Variants in CEP97 observed in about 807,000 individuals in gnomAD.
The protein encoded by CEP97 is centrosomal protein 97, also known as centrosomal protein of 97 kDa.
In CEP97, 43 loss-of-function variants were observed where a neutral mutation model predicts 73.1. The observed-to-expected ratio is 0.59, with a 90% CI of 0.46 to 0.76. The LOEUF is 0.76. Among genes scored for constraint, CEP97 ranks in the 30% least tolerant of loss-of-function variants. The probability of loss-of-function intolerance (pLI) is 0.00; values close to 1 mark genes in which losing one functional copy is unlikely to be tolerated. For missense variants in CEP97, 939 were observed against 1,014.0 expected, an observed-to-expected ratio of 0.93 and a Z score of 1.00; for synonymous variants, 337 against 370.0, an observed-to-expected ratio of 0.91 and a Z score of 1.02.
intron 6 of CEP97, among the ~76,000 whole-genome samples, chr3:101,748,972 A>G (rs1938712723): frequency 1.3e-5 from 2 of 152,122 alleles, no homozygotes; most frequent in Admixed American, 1.3e-4. Flanking sequence ...ATCTTTATTA[A>G]ATAAACTAAA....
rs773814391 is a variant in CEP97 at position 101,765,139 on chromosome 3, A to G, written c.2186A>G (p.Glu729Gly). 2 of 1,614,236 alleles carry G rather than the reference A, an allele frequency of 1.2e-6. No homozygotes were observed. The highest frequency in any genetic ancestry group is 4.5e-5 in the East Asian group (2 of 44,876). Reference sequence around the variant, plus strand: ...GAGAAAAGTTCCACAGAAGGCAGTGAAAGCTCCATAATGGGGAATTCCATT... The same window carrying G: ...GAGAAAAGTTCCACAGAAGGCAGTGGAAGCTCCATAATGGGGAATTCCATT... ...DFEKSSTEGS[E>G]SSIMGNSIDT... The change falls in exon 11 of 11, where the codon GAA becomes GGA. Residue 729 changes from glutamate (E) to glycine (G), a missense_variant. By Grantham distance (98) the Glu-to-Gly change is moderately conservative (BLOSUM62 -2). Transcript: ENST00000341893.
intron 5 of CEP97, 38 bp downstream of exon 5, chr3:101,731,991 G>A (rs1386906796): frequency 1.7e-6 from 2 of 1,154,836 alleles, no homozygotes; most frequent in Admixed American, 1.7e-5. Context: ...TCAGGAAGCT[G>A]GAAATCCTAG....
Position 101,758,313 on chromosome 3 carries a change from G to A in CEP97, c.1707G>A (p.Trp569Ter). ...CAGCCACCAAGCTTCAGGCCTGTTG[G>A]CGGGGATTTTATGCCAGGAACTACA... ...NDAATKLQAC[W>*]RGFYARNYNP... Residue 569 changes from tryptophan (W) to a stop codon, truncating the protein, a stop_gained, in exon 9 of 11, where the codon TGG (tryptophan) becomes TGA (stop). Coordinates refer to ENST00000341893, the MANE Select transcript of CEP97 (RefSeq NM_024548.4). LOFTEE classifies it high-confidence loss of function. 6.2e-7 allele frequency: 1 copy of A among 1,614,208 alleles called. No individual in the cohort carries two copies. Among genetic ancestry groups the A allele is most frequent in the African/African-American group, 1.3e-5 (1 of 75,070 alleles).
chr3:101,752,506 A>G, intron 6 of CEP97, among the ~76,000 whole-genome samples: 1 of 152,168 alleles, frequency 6.6e-6, no homozygotes, highest in East Asian at 1.9e-4. Context: ...ACTTGGTTCC[A>G]TTCTCCCTGT....
intron 6 of CEP97, among the ~76,000 whole-genome samples, chr3:101,749,073 C>A (rs1030300814): frequency 1.3e-5 from 2 of 151,854 alleles, no homozygotes; most frequent in African/African-American, 4.8e-5. Context: ...ATACGTGTGC[C>A]ATGCTGGTGT....
intron 6 of CEP97, among the ~76,000 whole-genome samples, chr3:101,752,169 T>C (rs1443461665): frequency 1.3e-5 from 2 of 152,252 alleles, no homozygotes; most frequent in African/African-American, 2.4e-5. Flanking sequence ...TATGCCTGGA[T>C]ATGAAATTCT....
intron 6 of CEP97, among the ~76,000 whole-genome samples, chr3:101,754,151 G>C (rs1938938908): frequency 1.4e-5 from 2 of 147,992 alleles, no homozygotes; most frequent in South Asian, 2.1e-4. Flanking sequence ...GCCCCACAAA[G>C]TGCTGGGATT....
chr3:101,724,870 G>T, intron 1 of CEP97, 151 bp downstream of exon 1: 1 of 781,000 alleles, frequency 1.3e-6, no homozygotes. Flanking sequence ...TACCCTCTGG[G>T]AGTTGTAGTT....
intron 6 of CEP97, among the ~76,000 whole-genome samples, chr3:101,743,431 T>A (rs1330071181): frequency 6.6e-6 from 1 of 152,094 alleles, no homozygotes; most frequent in Non-Finnish European, 1.5e-5. Flanking sequence ...AGTGTTGCTC[T>A]GTTTCCCAGG....
intron 6 of CEP97, among the ~76,000 whole-genome samples, chr3:101,737,347 A>G (rs1435681971): frequency 6.6e-6 from 1 of 152,218 alleles, no homozygotes; most frequent in East Asian, 1.9e-4. Flanking sequence ...AGAGAACACC[A>G]CAAAGATACT....
intron 6 of CEP97, among the ~76,000 whole-genome samples, chr3:101,746,966 A>G (rs1470782211): frequency 1.3e-3 from 198 of 149,848 alleles, no homozygotes; most frequent in Non-Finnish European, 2.6e-3. Context: ...ATGCAAATCA[A>G]AACCACAATG....
In CEP97 at chr3:101,770,230, G is replaced by T. The variant is rs2107206334; in HGVS notation, c.*4679G>T. The T allele has an allele frequency of 6.6e-6, 1 of 152,236 alleles. No individual in the cohort carries two copies. The highest frequency in any genetic ancestry group is 2.4e-5 in the African/African-American group (1 of 41,498). 9.4% of individuals were successfully genotyped at this position (152,236 alleles called of 1,614,324 possible). A position where few individuals can be genotyped will look rare whatever the true frequency, so the allele number is the denominator to read the frequency against. The stretch of plus-strand genomic sequence containing the variant: ...AGTAGAGATGGGGTTTCACCATGTT[G>T]GCCAGGATGGTCTCAATCTCTTGAC... On this transcript the variant is annotated 3_prime_UTR_variant, in exon 11 of 11. Transcript: ENST00000341893.
intron 3 of CEP97, among the ~76,000 whole-genome samples, chr3:101,728,404 C>T (rs1333030335): frequency 1.1e-4 from 16 of 151,860 alleles, no homozygotes; most frequent in Admixed American, 2.0e-4. Context: ...GGATTACAGG[C>T]GCCTGCCCAC....
In CEP97 at chr3:101,742,041, CA is replaced by C. The variant is rs1387449559; in HGVS notation, c.728+9400del. ...TGGGTGACAGAGTGAGACTCCGTCT[CA>C]AAAAAAAAAAAACAAAAAAACAAAA... is the stretch of plus-strand genomic sequence containing the variant. On this transcript the variant is annotated intron_variant, in intron 6 of 10. Coordinates refer to ENST00000341893, the MANE Select transcript of CEP97 (RefSeq NM_024548.4). 6.3e-3 allele frequency among the ~76,000 whole-genome samples: 519 copies of C among 82,074 alleles called. 3 individuals carry two copies. The highest frequency in any genetic ancestry group is 0.034 in the Middle Eastern group (6 of 174). 53.8% of individuals were successfully genotyped at this position (82,074 alleles called of 152,430 possible). A position where few individuals can be genotyped will look rare whatever the true frequency, so the allele number is the denominator to read the frequency against.
Position 101,769,024 on chromosome 3 carries a change from C to T in CEP97, c.*3473C>T, listed in dbSNP as rs891620456. The T allele has an allele frequency of 3.3e-5, 5 of 152,078 alleles. No individual in the cohort carries two copies. The highest frequency in any genetic ancestry group is 1.3e-4 in the Admixed American group (2 of 15,266). The allele number at this position is 152,078 out of a possible 1,614,324, so 9.4% of individuals were successfully genotyped here. On this transcript the variant is annotated 3_prime_UTR_variant, in exon 11 of 11. Transcript: ENST00000341893. ...GGAATAATGTGGGTGCCATCTTGAGCGTGTGTTTTTATCTGTTTTGGATTA... is the reference window on the plus strand; with the variant it reads ...GGAATAATGTGGGTGCCATCTTGAGTGTGTGTTTTTATCTGTTTTGGATTA...
intron 4 of CEP97, among the ~76,000 whole-genome samples, chr3:101,730,231 T>TTTTTGTTTTGTTTTGTTTTG (rs55873092): frequency 7.6e-5 from 11 of 144,884 alleles, no homozygotes; most frequent in African/African-American, 2.8e-4. Flanking sequence ...CGAGTCTGTT[T>TTTTTGTTTTGTTTTGTTTTG]TTTTGTTTTG....
intron 6 of CEP97, among the ~76,000 whole-genome samples, chr3:101,740,475 A>T (rs1220146512): frequency 6.6e-6 from 1 of 152,274 alleles, no homozygotes; most frequent in Non-Finnish European, 1.5e-5. Context: ...GAGGACACAA[A>T]CAAATGGAAA....
Position 101,765,644 on chromosome 3 carries a change from CT to C in CEP97, c.*94del. 1.0e-6 allele frequency: 1 copy of C among 961,882 alleles called. No homozygotes were observed. The highest frequency in any genetic ancestry group is 2.5e-5 in the East Asian group (1 of 39,504). The allele number at this position is 961,882 out of a possible 1,614,324, so 59.6% of individuals were successfully genotyped here. ...TTTTGGAGGGAAATACTCCCTACCC[CT>C]AATTTTGTTACTACTTATATAGAAT... is the stretch of plus-strand genomic sequence containing the variant. On this transcript the variant is annotated 3_prime_UTR_variant, in exon 11 of 11. Coordinates refer to ENST00000341893, the MANE Select transcript of CEP97 (RefSeq NM_024548.4).
At chr3:101,750,737 T>G (rs1938782429) in intron 6 of CEP97, among the ~76,000 whole-genome samples, 1 of 152,212 alleles carries the variant, frequency 6.6e-6, no homozygotes, top group Admixed American at 6.5e-5. Context: ...TAGTTTGTAT[T>G]TCTGTAGGAT....
Sources: gnomAD v4.1 joint callset for allele counts (sites outside exome capture counted in the v4.1 genomes callset) on GRCh38, gnomAD v4.1.1 for gene constraint, MANE v1.5 for transcripts, NCBI Gene and HGNC (gene_info 2026-07-23, HGNC 2026-07-21) for gene names.